NRG3: variants seen among roughly 807,000 people sequenced by gnomAD.
NRG3 encodes neuregulin 3.
NRG3 carries 31 observed loss-of-function variants against 66.9 expected under a neutral mutation model. The observed-to-expected ratio is 0.46, with a 90% CI of 0.35 to 0.63. The LOEUF is 0.63. Ranked by LOEUF, NRG3 falls within the 20% of genes least tolerant of loss-of-function variation. The pLI is 0.00. For missense variants in NRG3, 910 were observed against 878.9 expected (o/e 1.04, Z -0.45); for synonymous variants, 393 against 359.4 (o/e 1.09, Z -1.06).
intron 2 of NRG3, among the ~76,000 whole-genome samples, chr10:82,427,834 G>T (rs2089543969): frequency 6.6e-6 from 1 of 151,794 alleles, no homozygotes; most frequent in Non-Finnish European, 1.5e-5. Context: ...ATGTCATCTG[G>T]GCTTGGTCTT....
intron 2 of NRG3, among the ~76,000 whole-genome samples, chr10:82,419,795 T>G (rs1486962832): frequency 6.6e-6 from 1 of 152,214 alleles, no homozygotes; most frequent in Non-Finnish European, 1.5e-5. Context: ...AGAGTTTATT[T>G]TCAGTCTTTT....
chr10:82,077,250 A>T (rs928053947), intron 1 of NRG3, among the ~76,000 whole-genome samples: 4 of 152,188 alleles, frequency 2.6e-5, no homozygotes, highest in Admixed American at 1.3e-4. Flanking sequence ...TTTGAGATTC[A>T]GGAAAAACAA....
chr10:82,018,644 C>G lies in NRG3; in HGVS notation c.823+142481C>G, dbSNP rs2132716012. ...GGTTTGTAGTTCTCCTTGAAGAGGT[C>G]CTTCACATCCCTTGTAAGTTGGATC... On this transcript the variant is annotated intron_variant, in intron 1 of 8. Coordinates refer to ENST00000372141, the MANE Select transcript of NRG3 (RefSeq NM_001010848.4). Among the ~76,000 whole-genome samples, 4 of 152,236 alleles carry G rather than the reference C, an allele frequency of 2.6e-5. No homozygotes were observed. In the South Asian group the frequency reaches 8.3e-4, roughly 32 times the overall value.
rs191609890 is a variant in NRG3, at chr10:82,307,508, C to T, written c.824-51231C>T. Among the ~76,000 whole-genome samples the T allele has an allele frequency of 7.2e-5, 11 of 152,016 alleles. No individual in the cohort carries two copies. The East Asian group carries it at 1.7e-3, about 24-fold the overall frequency. On this transcript the variant is annotated intron_variant, in intron 1 of 8. Transcript: ENST00000372141. The stretch of plus-strand genomic sequence containing the variant: ...TATGATATTTTCCTTTTTAAAAATT[C>T]GGAAAGATATATTTTGGGCAATGAG...
In NRG3 at chr10:82,128,759, T is replaced by TC. The variant is rs397723897; in HGVS notation, c.824-229980_824-229979insC. Among the ~76,000 whole-genome samples, 8 of 151,860 alleles carry TC rather than the reference T, an allele frequency of 5.3e-5. No individual in the cohort carries two copies. In the South Asian group the frequency reaches 1.5e-3, roughly 28 times the overall value. On this transcript the variant is annotated intron_variant, in intron 1 of 8. Transcript: ENST00000372141. Reference sequence around the variant, plus strand: ...CTTGTTTAAATTTCTGGGGTTTTTTTTGTTCACTTCAATTATTTAAGGAAT... The same window carrying TC: ...CTTGTTTAAATTTCTGGGGTTTTTTTCTGTTCACTTCAATTATTTAAGGAAT...
intron 2 of NRG3, among the ~76,000 whole-genome samples, chr10:82,572,126 T>C (rs1311319961): frequency 6.6e-6 from 1 of 151,808 alleles, no homozygotes; most frequent in South Asian, 2.1e-4. Context: ...TTAAAAATTC[T>C]TCCTCCTTTT....
At chr10:82,788,279 G>A (rs1049494369) in intron 3 of NRG3, among the ~76,000 whole-genome samples, 1 of 152,096 alleles carries the variant, frequency 6.6e-6, no homozygotes, top group Non-Finnish European at 1.5e-5. Flanking sequence ...ATCACATAAA[G>A]GTAAGAAACT....
intron 1 of NRG3, among the ~76,000 whole-genome samples, chr10:82,238,853 A>G (rs2076871436): frequency 7.4e-6 from 1 of 134,282 alleles, no homozygotes; most frequent in Non-Finnish European, 1.7e-5. Flanking sequence ...ATCATAAATT[A>G]CTCTGCAGCT....
chr10:82,024,872 G>A (rs1175433558), intron 1 of NRG3, among the ~76,000 whole-genome samples: 6 of 152,040 alleles, frequency 3.9e-5, no homozygotes, highest in South Asian at 4.1e-4. Flanking sequence ...AGACAAAACC[G>A]TCTTCCTCAT....
chr10:82,520,054 C>T (rs562648066), intron 2 of NRG3, among the ~76,000 whole-genome samples: 124 of 151,820 alleles, frequency 8.2e-4, no homozygotes, highest in Admixed American at 1.6e-3. Context: ...TATGGTAGAT[C>T]ATTTTTCCTG....
intron 1 of NRG3, among the ~76,000 whole-genome samples, chr10:81,984,375 A>G (rs2060445285): frequency 6.6e-6 from 1 of 152,140 alleles, no homozygotes; most frequent in East Asian, 1.9e-4. Flanking sequence ...TAATTTATCC[A>G]TCTTAATTGT....
intron 1 of NRG3, among the ~76,000 whole-genome samples, chr10:82,286,356 G>T (rs961564695): frequency 1.3e-5 from 2 of 152,276 alleles, no homozygotes; most frequent in Non-Finnish European, 2.9e-5. Flanking sequence ...TAATGTGTAT[G>T]TGTATATGTG....
chr10:82,882,287 A>G (rs955969785), intron 4 of NRG3, among the ~76,000 whole-genome samples: 1 of 152,218 alleles, frequency 6.6e-6, no homozygotes, highest in Non-Finnish European at 1.5e-5. Flanking sequence ...GACACAAACG[A>G]CATTATCTCA....
intron 4 of NRG3, among the ~76,000 whole-genome samples, chr10:82,880,096 T>C (rs1222929658): frequency 6.6e-6 from 1 of 150,842 alleles, no homozygotes; most frequent in Non-Finnish European, 1.5e-5. Flanking sequence ...GGAAAGAGAA[T>C]GAATGTTCAC....
intron 2 of NRG3, among the ~76,000 whole-genome samples, chr10:82,633,635 TGTCA>T (rs1365631335): frequency 3.9e-5 from 6 of 152,180 alleles, no homozygotes; most frequent in African/African-American, 1.4e-4. Context: ...ATCAGGAGTG[TGTCA>T]GCAGGCTGAT....
At chr10:82,961,285 T>A (rs779039509) in intron 6 of NRG3, among the ~76,000 whole-genome samples, 8 of 152,210 alleles carry the variant, frequency 5.3e-5, no homozygotes, top group Non-Finnish European at 1.2e-4. Context: ...TATTGATGGA[T>A]TGGAAAAATT....
intron 2 of NRG3, among the ~76,000 whole-genome samples, chr10:82,376,368 C>A (rs1441301150): frequency 4.6e-5 from 7 of 152,198 alleles, no homozygotes; most frequent in Admixed American, 4.6e-4. Context: ...AATCCCTGCT[C>A]TACTCTTCTG....
chr10:82,707,490 A>G (rs1420444061), intron 2 of NRG3, among the ~76,000 whole-genome samples: 5 of 151,720 alleles, frequency 3.3e-5, no homozygotes, highest in African/African-American at 1.2e-4. Context: ...CTCCTGCCTC[A>G]GGAGGCAAGA....
intron 3 of NRG3, among the ~76,000 whole-genome samples, chr10:82,746,334 C>G (rs2058643310): frequency 6.6e-6 from 1 of 152,190 alleles, no homozygotes; most frequent in Non-Finnish European, 1.5e-5. Context: ...CCCCGGCTCA[C>G]TGGGGGCCAC....
Sources: gnomAD v4.1 joint callset for allele counts (sites outside exome capture counted in the v4.1 genomes callset) on GRCh38, gnomAD v4.1.1 for gene constraint, MANE v1.5 for transcripts, NCBI Gene and HGNC (gene_info 2026-07-23, HGNC 2026-07-21) for gene names.